ERN1: variants seen among roughly 807,000 people sequenced by gnomAD.
ERN1 encodes the protein serine/threonine-protein kinase/endoribonuclease IRE1.
In ERN1, 39 loss-of-function variants were observed where a neutral mutation model predicts 113.1. The ratio of observed to expected loss-of-function variants is 0.34; its 90% CI spans 0.27 to 0.45. ERN1 has a LOEUF of 0.45. Among genes scored for constraint, ERN1 ranks in the 20% least tolerant of loss-of-function variants. ERN1 has a pLI of 1.00. For missense variants in ERN1, 976 were observed against 1,274.8 expected (o/e 0.77, Z 3.57); for synonymous variants, 507 against 515.9 (o/e 0.98, Z 0.23).
At chr17:64,047,831 C>T in intron 19 of ERN1, 27 bp downstream of exon 19, 3 of 1,538,478 alleles carry the variant, frequency 1.9e-6, no homozygotes, top group Non-Finnish European at 2.6e-6. Context: ...AATGAAGACT[C>T]TGGATAAAGA....
chr17:64,091,455 G>A (rs1201749164), intron 2 of ERN1, among the ~76,000 whole-genome samples: 1 of 152,214 alleles, frequency 6.6e-6, no homozygotes, highest in Non-Finnish European at 1.5e-5. Flanking sequence ...GCTGCCCAGA[G>A]CCCCAGTAAG....
intron 2 of ERN1, 111 bp from the exon 3 acceptor site, chr17:64,080,919 G>GT: frequency 1.0e-6 from 1 of 981,156 alleles, no homozygotes; most frequent in Non-Finnish European, 1.6e-6. Flanking sequence ...TCTCCCTCCT[G>GT]TTAACCTACA....
chr17:64,076,847 G>A (rs532473077), intron 4 of ERN1, among the ~76,000 whole-genome samples: 3 of 152,166 alleles, frequency 2.0e-5, no homozygotes, highest in Non-Finnish European at 2.9e-5. Context: ...TGATCCGCCC[G>A]CCTCGGCCTC....
At chr17:64,120,009 G>C (rs1265873163) in intron 1 of ERN1, among the ~76,000 whole-genome samples, 1 of 148,516 alleles carries the variant, frequency 6.7e-6, no homozygotes. Context: ...CTCTTGTCTT[G>C]GCCTCCCAAA....
chr17:64,084,371 A>C (rs4968608), intron 2 of ERN1, among the ~76,000 whole-genome samples: 1 of 151,838 alleles, frequency 6.6e-6, no homozygotes, highest in African/African-American at 2.4e-5. Flanking sequence ...TCAACACCAT[A>C]GGAACCCTTT....
intron 1 of ERN1, chr17:64,129,020 A>C (rs1435603696): frequency 6.6e-6 from 1 of 152,176 alleles, no homozygotes; most frequent in Non-Finnish European, 1.5e-5. Flanking sequence ...CATTAAACAG[A>C]ACACGGACAA....
chr17:64,115,058 T>C (rs545269425), intron 1 of ERN1, among the ~76,000 whole-genome samples: 20 of 151,988 alleles, frequency 1.3e-4, no homozygotes, highest in Non-Finnish European at 2.5e-4. Flanking sequence ...ACCTGCACCT[T>C]CCCGTCTTTT....
intron 8 of ERN1, among the ~76,000 whole-genome samples, 174 bp downstream of exon 8, chr17:64,066,497 C>G (rs1598055702): frequency 6.6e-6 from 1 of 152,146 alleles, no homozygotes; most frequent in East Asian, 1.9e-4. Context: ...TAATGGGTGC[C>G]CCTCAGCTCT....
intron 12 of ERN1, 137 bp from the exon 13 acceptor site, chr17:64,056,085 G>A (rs973022571): frequency 7.4e-7 from 1 of 1,358,354 alleles, no homozygotes; most frequent in African/African-American, 1.5e-5. Context: ...AGACCAGTGA[G>A]AAGGCACCTG....
intron 2 of ERN1, among the ~76,000 whole-genome samples, chr17:64,097,401 T>G (rs1459915836): frequency 6.6e-6 from 1 of 152,216 alleles, no homozygotes; most frequent in African/African-American, 2.4e-5. Context: ...AAGAGAACGA[T>G]GCTGTTCAGA....
Position 64,064,097 on chromosome 17 carries a change from T to C in ERN1, c.976A>G (p.Ile326Val). 1 of 1,611,726 alleles carries C rather than the reference T, an allele frequency of 6.2e-7. No individual in the cohort carries two copies. The highest frequency in any genetic ancestry group is 8.5e-7 in the Non-Finnish European group (1 of 1,178,826). Residue 326 changes from isoleucine (I) to valine (V), a missense_variant, in exon 10 of 22, where the codon ATT (isoleucine) becomes GTT (valine). This residue lies in a region of ERN1 where 459 missense variants were observed against 581.2 expected (regional missense o/e 0.79). Coordinates refer to ENST00000433197, the MANE Select transcript of ERN1 (RefSeq NM_001433.5). ...ATCACACACTCCCCCTTGTCCCCAA[T>C]GGTGACGCCATCAGTCTGGGGCCCT... ...LEGPQTDGVTIGDKGECVITP... is the reference protein window; with the variant it reads ...LEGPQTDGVTVGDKGECVITP...
chr17:64,104,830 G>T (rs989055119), intron 1 of ERN1, among the ~76,000 whole-genome samples: 3 of 151,972 alleles, frequency 2.0e-5, no homozygotes, highest in African/African-American at 7.3e-5. Flanking sequence ...AAAAAAAAGG[G>T]TCAGAAATAA....
Position 64,054,402 on chromosome 17 carries a change from T to A in ERN1, c.1801A>T (p.Ile601Phe). Residue 601 changes from isoleucine to phenylalanine, a missense_variant, in exon 15 of 22, where the codon ATC becomes TTC. By Grantham distance (21) the Ile-to-Phe change is conservative. This residue lies in a region of ERN1 where 297 missense variants were observed against 457.8 expected (regional missense o/e 0.65). Coordinates refer to ENST00000433197, the MANE Select transcript of ERN1 (RefSeq NM_001433.5). This position sits in a 1 kb window ranked among gnomAD's most constrained non-coding sequence, Gnocchi z 4.9. The part of the protein sequence containing the change: ...FDNRDVAVKR[I>F]LPECFSFADR... ...GCGAAGCTAAAACACTCGGGGAGGA[T>A]CCTCTTCACGGCCACGTCGCGGTTG... The A allele has an allele frequency of 6.3e-7, 1 of 1,590,522 alleles. No homozygotes were observed. The highest frequency in any genetic ancestry group is 8.6e-7 in the Non-Finnish European group (1 of 1,168,566).
At chr17:64,080,971 C>T (rs775610404) in intron 2 of ERN1, among the ~76,000 whole-genome samples, 163 bp from the exon 3 acceptor site, 6 of 152,180 alleles carry the variant, frequency 3.9e-5, no homozygotes, top group Admixed American at 2.0e-4. Flanking sequence ...TTTGTATCAC[C>T]GTGCATATCT....
chr17:64,067,117 ACT>A (rs1395868020), intron 7 of ERN1, 185 bp from the exon 8 acceptor site: 2 of 639,768 alleles, frequency 3.1e-6, no homozygotes, highest in Non-Finnish European at 5.3e-6. Context: ...ATATCAAGAC[ACT>A]GAGAGCTGGC....
intron 1 of ERN1, among the ~76,000 whole-genome samples, chr17:64,108,665 C>A (rs1244620678): frequency 6.6e-6 from 1 of 152,108 alleles, no homozygotes; most frequent in Non-Finnish European, 1.5e-5. Context: ...TAGTAACAAC[C>A]AAGAAACGTA....
chr17:64,116,202 T>C (rs1475223555), intron 1 of ERN1, among the ~76,000 whole-genome samples: 2 of 151,970 alleles, frequency 1.3e-5, no homozygotes, highest in Non-Finnish European at 2.9e-5. Flanking sequence ...AAAGCAACCA[T>C]CTCCTAAACT....
chr17:64,071,102 G>T (rs994429450), intron 6 of ERN1, among the ~76,000 whole-genome samples: 3 of 152,210 alleles, frequency 2.0e-5, no homozygotes, highest in African/African-American at 7.2e-5. Context: ...AACACAAAAT[G>T]GTGCGGTGAA....
intron 1 of ERN1, among the ~76,000 whole-genome samples, chr17:64,099,550 A>G (rs1325466156): frequency 6.6e-6 from 1 of 152,328 alleles, no homozygotes; most frequent in Non-Finnish European, 1.5e-5. Context: ...ATGCCAATGC[A>G]ACTTGCTTAT....
Sources: allele counts gnomAD v4.1 joint callset (sites outside exome capture counted in the v4.1 genomes callset), GRCh38; gene constraint gnomAD v4.1.1; regional missense constraint gnomAD v4.1.1; non-coding constraint Gnocchi (gnomAD v3.1); transcripts MANE v1.5; gene names NCBI Gene and HGNC (gene_info 2026-07-23, HGNC 2026-07-21).